Variants in COL24A1 observed in about 807,000 individuals in gnomAD.
COL24A1 encodes collagen type XXIV alpha 1 chain, also known as collagen alpha-1(XXIV) chain.
Under a neutral mutation model 253.9 loss-of-function variants are expected in COL24A1, and 224 were observed. The observed-to-expected ratio is 0.88, with a 90% CI of 0.79 to 0.99. The LOEUF (loss-of-function observed/expected upper bound fraction) is 0.99, where lower values mean the gene tolerates loss of function less well. COL24A1 is among the 50% of genes least tolerant of loss of function. The pLI, the probability that COL24A1 is intolerant of heterozygous loss-of-function variation, is 0.00. For synonymous variants in COL24A1, 685 were observed against 673.7 expected, an observed-to-expected ratio of 1.02 and a Z score of -0.26; for missense variants, 2,131 against 2,068.5, an observed-to-expected ratio of 1.03 and a Z score of -0.59.
At chr1:86,027,983 T>C (rs984329551) in intron 14 of COL24A1, among the ~76,000 whole-genome samples, 1 of 152,202 alleles carries the variant, frequency 6.6e-6, no homozygotes, top group East Asian at 1.9e-4. Flanking sequence ...TTTGGAATTT[T>C]AAGTTTTAAT....
intron 32 of COL24A1, 76 bp from the exon 33 acceptor site, chr1:85,877,251 G>GT (rs1456139565): frequency 6.0e-6 from 6 of 1,006,940 alleles, no homozygotes; most frequent in Middle Eastern, 2.3e-4. Context: ...CTGGATATGG[G>GT]TTTTATAATA....
intron 19 of COL24A1, among the ~76,000 whole-genome samples, chr1:86,010,291 G>GA (rs1243838230): frequency 6.6e-6 from 1 of 151,974 alleles, no homozygotes; most frequent in East Asian, 1.9e-4. Context: ...GACAAATTGG[G>GA]AAAAAATACT....
intron 39 of COL24A1, among the ~76,000 whole-genome samples, chr1:85,843,909 C>A (rs1426437525): frequency 2.0e-5 from 3 of 151,776 alleles, no homozygotes; most frequent in Non-Finnish European, 4.4e-5. Flanking sequence ...CTTAATGTAC[C>A]TAAAATATAT....
intron 47 of COL24A1, among the ~76,000 whole-genome samples, chr1:85,816,558 T>A (rs1673059134): frequency 6.6e-6 from 1 of 152,190 alleles, no homozygotes; most frequent in African/African-American, 2.4e-5. Flanking sequence ...ATTTTTAAAA[T>A]GGCATGAATT....
intron 7 of COL24A1, among the ~76,000 whole-genome samples, chr1:86,064,771 G>A (rs550605436): frequency 1.1e-4 from 17 of 152,222 alleles, no homozygotes; most frequent in Non-Finnish European, 1.8e-4. Context: ...TCGGATTAAT[G>A]GATTAGAGAA....
At chr1:86,071,850 C>T (rs1043548737) in intron 7 of COL24A1, among the ~76,000 whole-genome samples, 1 of 151,988 alleles carries the variant, frequency 6.6e-6, no homozygotes, top group Non-Finnish European at 1.5e-5. Context: ...TGGGTGCAGC[C>T]CATGGAGGGC....
At chr1:86,053,841 A>C (rs1700489419) in intron 10 of COL24A1, among the ~76,000 whole-genome samples, 1 of 152,164 alleles carries the variant, frequency 6.6e-6, no homozygotes, top group African/African-American at 2.4e-5. Flanking sequence ...TCATGAAAAT[A>C]TTCATGTACA....
chr1:86,112,550 GA>G lies in COL24A1; in HGVS notation c.1599+16del. ...TGATACTCATTAGCTTAAGTTGCCT[GA>G]TTAGTAGTCACTTACCTTTGGACCA... On this transcript the variant is annotated intron_variant, in intron 5 of 59. Coordinates refer to ENST00000370571, the MANE Select transcript of COL24A1 (RefSeq NM_152890.7). The G allele has an allele frequency of 6.2e-7, 1 of 1,608,514 alleles. No individual in the cohort carries two copies. The highest frequency in any genetic ancestry group is 1.1e-5 in the South Asian group (1 of 90,148).
At chr1:85,800,905 G>A (rs1008770606) in intron 47 of COL24A1, among the ~76,000 whole-genome samples, 2 of 152,146 alleles carry the variant, frequency 1.3e-5, no homozygotes, top group African/African-American at 4.8e-5. Flanking sequence ...AACTCAAAAA[G>A]AGGGATTTTT....
intron 47 of COL24A1, among the ~76,000 whole-genome samples, chr1:85,804,340 G>T (rs1244096256): frequency 6.6e-6 from 1 of 152,138 alleles, no homozygotes; most frequent in Non-Finnish European, 1.5e-5. Context: ...ATTATGTTCA[G>T]CAGAACTGCA....
At chr1:85,838,701 G>T (rs544059136) in intron 42 of COL24A1, 63 bp from the exon 43 acceptor site, 14 of 1,444,440 alleles carry the variant, frequency 9.7e-6, no homozygotes, top group South Asian at 9.4e-5. Context: ...GCGAATGCAG[G>T]TGATAAGATT....
chr1:85,932,152 C>G (rs1282376017), intron 24 of COL24A1, among the ~76,000 whole-genome samples: 1 of 90,342 alleles, frequency 1.1e-5, no homozygotes, highest in Non-Finnish European at 2.3e-5. Context: ...AACAGGCAAC[C>G]TACAACATGG....
chr1:85,942,628 A>C (rs1688858667), intron 24 of COL24A1, among the ~76,000 whole-genome samples: 1 of 152,226 alleles, frequency 6.6e-6, no homozygotes, highest in Non-Finnish European at 1.5e-5. Context: ...AAAAGATCAA[A>C]ATCACAAAAG....
intron 35 of COL24A1, among the ~76,000 whole-genome samples, chr1:85,871,820 T>C (rs923314866): frequency 6.6e-6 from 1 of 152,180 alleles, no homozygotes; most frequent in Non-Finnish European, 1.5e-5. Context: ...CCACTCCTGT[T>C]CAACATGGTG....
At chr1:86,145,520 G>A (rs1037466229) in intron 2 of COL24A1, among the ~76,000 whole-genome samples, 3 of 151,930 alleles carry the variant, frequency 2.0e-5, no homozygotes, top group Admixed American at 6.6e-5. Flanking sequence ...TTGGCAATAG[G>A]ATATTACACA....
chr1:86,011,630 T>C (rs1309214225), intron 19 of COL24A1, among the ~76,000 whole-genome samples: 1 of 152,226 alleles, frequency 6.6e-6, no homozygotes, highest in Admixed American at 6.5e-5. Flanking sequence ...AAAAAATCCA[T>C]AGCAAAGCTT....
In COL24A1 at chr1:85,778,491, T is replaced by A. The variant is rs183189502; in HGVS notation, c.4338+2729A>T. Among the ~76,000 whole-genome samples, 267 of 152,270 alleles carry A rather than the reference T, an allele frequency of 1.8e-3. 2 individuals are homozygous for A. The highest frequency in any genetic ancestry group is 3.1e-3 in the Non-Finnish European group (214 of 68,012). ...GTACTTTTAAACTTTATTCATGGAATCTTTTTTCCATACAAAATGAAAAAA... is the reference window on the plus strand; with the variant it reads ...GTACTTTTAAACTTTATTCATGGAAACTTTTTTCCATACAAAATGAAAAAA... On this transcript the variant is annotated intron_variant, in intron 52 of 59. Transcript: ENST00000370571.
intron 19 of COL24A1, among the ~76,000 whole-genome samples, chr1:86,010,451 C>CA (rs34818910): frequency 2.0e-5 from 3 of 151,432 alleles, no homozygotes; most frequent in African/African-American, 4.8e-5. Flanking sequence ...AGTCCTCAAA[C>CA]AAAAAAAAGA....
chr1:85,823,839 C>T (rs1673917742), intron 43 of COL24A1, 101 bp from the exon 44 acceptor site: 2 of 1,022,272 alleles, frequency 2.0e-6, no homozygotes, highest in Non-Finnish European at 3.0e-6. Context: ...TTGCAAAGCT[C>T]AACTTAAATG....
Sources: allele counts gnomAD v4.1 joint callset (sites outside exome capture counted in the v4.1 genomes callset), GRCh38; gene constraint gnomAD v4.1.1; transcripts MANE v1.5; gene names NCBI Gene and HGNC (gene_info 2026-07-23, HGNC 2026-07-21).